The following PDIA4 variants were observed in gnomAD, a reference collection of about 807,000 sequenced individuals.
PDIA4 encodes protein disulfide-isomerase A4.
In PDIA4, 33 loss-of-function variants were observed where a neutral mutation model predicts 62.1. The ratio of observed to expected loss-of-function variants is 0.53; its 90% CI spans 0.40 to 0.71. The LOEUF (loss-of-function observed/expected upper bound fraction) is 0.71. PDIA4 is among the 30% of genes least tolerant of loss of function. The pLI, the probability that PDIA4 is intolerant of heterozygous loss-of-function variation, is 0.00. For synonymous variants in PDIA4, 341 were observed against 324.1 expected, an observed-to-expected ratio of 1.05 and a Z score of -0.56; for missense variants, 804 against 813.6, an observed-to-expected ratio of 0.99 and a Z score of 0.14.
chr7:149,012,044 C>G (rs761711328), intron 5 of PDIA4, 40 bp from the exon 6 acceptor site: 1 of 1,598,394 alleles, frequency 6.3e-7, no homozygotes. Flanking sequence ...GCACTAAGAA[C>G]TGCCCACTTC....
chr7:149,028,305 C>T lies in PDIA4; in HGVS notation c.88+16G>A, dbSNP rs763047433. 10 of 1,509,436 alleles carry T rather than the reference C, an allele frequency of 6.6e-6. No individual in the cohort carries two copies. Among genetic ancestry groups the T allele is most frequent in the Non-Finnish European group, 8.9e-6 (10 of 1,129,366 alleles). The allele number at this position is 1,509,436 out of a possible 1,614,324, so 93.5% of individuals were successfully genotyped here. ...CCCGCAAGCACAGCCCGACCCGCGG[C>T]GCGCTTGCCGCTCACCCTCGTCCGG... is the stretch of plus-strand genomic sequence containing the variant. On this transcript the variant is annotated intron_variant, in intron 1 of 9. Coordinates refer to ENST00000652332, the MANE Select transcript of PDIA4 (RefSeq NM_004911.5).
intron 4 of PDIA4, 107 bp downstream of exon 4, chr7:149,014,797 G>A (rs1371929287): frequency 1.7e-5 from 17 of 1,018,722 alleles, no homozygotes; most frequent in Non-Finnish European, 2.4e-5. Context: ...TACAACTCGT[G>A]CCCACCTTGC....
chr7:149,013,891 G>A (rs1278478938), intron 4 of PDIA4, among the ~76,000 whole-genome samples: 1 of 152,242 alleles, frequency 6.6e-6, no homozygotes, highest in Non-Finnish European at 1.5e-5. Flanking sequence ...CAACCCACCA[G>A]TTAGATGTGC....
intron 7 of PDIA4, 184 bp from the exon 8 acceptor site, chr7:149,006,237 C>T (rs774749500): frequency 9.0e-6 from 5 of 552,974 alleles, no homozygotes; most frequent in Non-Finnish European, 9.0e-6. Context: ...TTTTGGGGCT[C>T]CTTTCCCTCC....
At chr7:149,015,444 G>A (rs1429048996) in intron 3 of PDIA4, among the ~76,000 whole-genome samples, 1 of 133,332 alleles carries the variant, frequency 7.5e-6, no homozygotes, top group Admixed American at 8.6e-5. Flanking sequence ...TACATATTTA[G>A]TCATTCACAT....
chr7:149,012,455 T>TA, intron 4 of PDIA4, 95 bp from the exon 5 acceptor site: 2 of 1,055,616 alleles, frequency 1.9e-6, no homozygotes, highest in Admixed American at 4.1e-5. Flanking sequence ...TGCTCCCTAG[T>TA]AACCTGGCCA....
chr7:149,023,667 C>G (rs998657616), intron 1 of PDIA4, among the ~76,000 whole-genome samples: 1 of 152,114 alleles, frequency 6.6e-6, no homozygotes, highest in Admixed American at 6.6e-5. Context: ...ACTTAATCAA[C>G]TCTTCCAGGT....
intron 4 of PDIA4, among the ~76,000 whole-genome samples, chr7:149,014,702 T>G (rs1452951683): frequency 6.6e-6 from 1 of 152,200 alleles, no homozygotes; most frequent in African/African-American, 2.4e-5. Context: ...AATGGACTAC[T>G]TGGCAGTTCC....
chr7:149,021,504 A>C (rs950981457), intron 1 of PDIA4, among the ~76,000 whole-genome samples: 1 of 151,544 alleles, frequency 6.6e-6, no homozygotes, highest in Non-Finnish European at 1.5e-5. Flanking sequence ...AAAAAAAAAA[A>C]AAAAAAACTT....
chr7:149,013,611 G>A lies in PDIA4; in HGVS notation c.615-1251C>T, dbSNP rs147541125. ...ACAATTGAGCCCAGGAGTTCAAGGC[G>A]TAGTGAACTATGATGGTGCCACTGT... On this transcript the variant is annotated intron_variant, in intron 4 of 9. Transcript: ENST00000652332. Among the ~76,000 whole-genome samples, 448 of 152,152 alleles carry A rather than the reference G, an allele frequency of 2.9e-3. 2 individuals carry two copies. The highest frequency in any genetic ancestry group is 9.7e-3 in the African/African-American group (402 of 41,490).
At position 149,014,938 on chromosome 7, in the gene PDIA4, C is replaced by G. The variant is rs113333653; in HGVS notation, c.580G>C (p.Ala194Pro). The G allele has an allele frequency of 8.1e-6, 13 of 1,613,804 alleles. No homozygotes were observed. Among genetic ancestry groups the G allele is most frequent in the African/African-American group, 6.7e-5 (5 of 75,048 alleles). The change falls in exon 4 of 10, where the codon GCA (alanine) becomes CCA (proline). Residue 194 changes from alanine to proline, a missense_variant. Coordinates refer to ENST00000652332, the MANE Select transcript of PDIA4 (RefSeq NM_004911.5). Reference sequence around the variant, plus strand: ...TAAAACTCCACCAGAATGATATCTGCATCATTCACAACTTCATCAAAGTTC... The same window carrying G: ...TAAAACTCCACCAGAATGATATCTGGATCATTCACAACTTCATCAAAGTTC... ...KENFDEVVND[A>P]DIILVEFYAP... is the part of the protein sequence containing the mutation.
chr7:149,006,923 G>A (rs958525421), intron 7 of PDIA4, among the ~76,000 whole-genome samples: 1 of 152,348 alleles, frequency 6.6e-6, no homozygotes. Context: ...AGACTGCATA[G>A]ATCTTGAAGC....
chr7:149,011,906 T>C lies in PDIA4; in HGVS notation c.919A>G (p.Ile307Val). The change falls in exon 6 of 10, where the codon ATC (isoleucine) becomes GTC (valine). Residue 307 changes from isoleucine (I) to valine (V), a missense_variant. By Grantham distance (29) the Ile-to-Val change is conservative. Transcript: ENST00000652332. ...QEFLKDGDDV[I>V]IIGVFKGESD... ...TCCCCCTTAAAGACCCCGATGATGA[T>C]GACATCGTCTCCATCCTTCAGGAAC... 1 of 1,607,436 alleles carries C rather than the reference T, an allele frequency of 6.2e-7. No individual in the cohort carries two copies. Among genetic ancestry groups the C allele is most frequent in the South Asian group, 1.1e-5 (1 of 90,296 alleles).
intron 1 of PDIA4, 64 bp downstream of exon 1, chr7:149,028,257 G>C: frequency 8.0e-7 from 1 of 1,249,578 alleles, no homozygotes; most frequent in Non-Finnish European, 1.1e-6. Flanking sequence ...GCAGGGCCCA[G>C]GCCCCCGCAC....
Position 149,005,982 on chromosome 7 carries a change from C to G in PDIA4, c.1203G>C (p.Lys401Asn). The change falls in exon 8 of 10, where the codon AAG becomes AAC. Residue 401 changes from lysine (K) to asparagine (N), a missense_variant. Physicochemically the swap from Lys to Asn is moderately conservative, Grantham distance 94. Coordinates refer to ENST00000652332, the MANE Select transcript of PDIA4 (RefSeq NM_004911.5). ...TGTAGCGCTTAGCATCGTTTGACACCTTGCGGTGGCCAACCAGGGGCAGGG... is the reference window on the plus strand; with the variant it reads ...TGTAGCGCTTAGCATCGTTTGACACGTTGCGGTGGCCAACCAGGGGCAGGG... ...KYALPLVGHR[K>N]VSNDAKRYTR... 6.5e-7 allele frequency: 1 copy of G among 1,546,372 alleles called. No homozygotes were observed. The highest frequency in any genetic ancestry group is 8.7e-7 in the Non-Finnish European group (1 of 1,155,728).
intron 1 of PDIA4, among the ~76,000 whole-genome samples, chr7:149,025,085 AATAT>A (rs869119727): frequency 2.2e-4 from 5 of 22,362 alleles, no homozygotes; most frequent in African/African-American, 3.0e-4. Flanking sequence ...AAAAAAAAAA[AATAT>A]ATATATATAT....
At position 149,015,132 on chromosome 7, in the gene PDIA4, AG is replaced by A. The variant is rs1294996658; in HGVS notation, c.476-91del. 2.9e-6 allele frequency: 4 copies of A among 1,374,720 alleles called. No homozygotes were observed. In the South Asian group the frequency reaches 3.9e-5, roughly 13 times the overall value. The allele number at this position is 1,374,720 out of a possible 1,614,324, so 85.2% of individuals were successfully genotyped here. On this transcript the variant is annotated intron_variant, in intron 3 of 9. Transcript: ENST00000652332. Reference sequence around the variant, plus strand: ...AGAAGCAGATGAGGAGGGGGAAGAAAGCAAGTGTCGGGGCCCACAAGAACAG... The same window carrying A: ...AGAAGCAGATGAGGAGGGGGAAGAAACAAGTGTCGGGGCCCACAAGAACAG...
chr7:149,008,648 T>C (rs1585414175), intron 6 of PDIA4, among the ~76,000 whole-genome samples: 1 of 151,038 alleles, frequency 6.6e-6, no homozygotes. Context: ...GTGGACGTTG[T>C]AGTGAGCCGA....
Position 149,003,666 on chromosome 7 carries a change from T to TA in PDIA4, c.*127dup, listed in dbSNP as rs1460246340. 2 of 626,402 alleles carry TA rather than the reference T, an allele frequency of 3.2e-6. No individual in the cohort carries two copies. The highest frequency in any genetic ancestry group is 5.0e-6 in the Non-Finnish European group (2 of 400,348). The allele number at this position is 626,402 out of a possible 1,614,324, so 38.8% of individuals were successfully genotyped here. ...GAGCATGAAGTGAAACACCAAAGTA[T>TA]AAAAAATTAAAAAAAAAAAAAAAGG... On this transcript the variant is annotated 3_prime_UTR_variant, in exon 10 of 10. Transcript: ENST00000652332.
Sources: allele counts gnomAD v4.1 joint callset (sites outside exome capture counted in the v4.1 genomes callset), GRCh38; gene constraint gnomAD v4.1.1; transcripts MANE v1.5; gene names NCBI Gene and HGNC (gene_info 2026-07-23, HGNC 2026-07-21).